The following SUCLG1 variants were observed in gnomAD, a reference collection of about 807,000 sequenced individuals.
SUCLG1 encodes the protein succinate-CoA ligase GDP/ADP-forming subunit alpha.
SUCLG1 carries 26 observed loss-of-function variants against 37.3 expected under a neutral mutation model. The observed-to-expected ratio is 0.70, with a 90% confidence interval of 0.51 to 0.97. SUCLG1 has a LOEUF of 0.97. Among genes scored for constraint, SUCLG1 ranks in the 50% least tolerant of loss-of-function variants. The pLI is 0.00. For synonymous variants in SUCLG1, 163 were observed against 155.6 expected (o/e 1.05, Z -0.36); for missense variants, 433 against 432.9 (o/e 1.00, Z 0.00).
intron 7 of SUCLG1, among the ~76,000 whole-genome samples, chr2:84,431,170 G>A (rs562277698): frequency 1.3e-5 from 2 of 152,220 alleles, no homozygotes; most frequent in African/African-American, 2.4e-5. Context: ...CTCTGAGATC[G>A]GGAGAAAGAA....
At position 84,437,314 on chromosome 2, in the gene SUCLG1, T is replaced by G. The variant is rs1573367392; in HGVS notation, c.589+3733A>C. 2.6e-5 allele frequency among the ~76,000 whole-genome samples: 4 copies of G among 152,042 alleles called. No individual in the cohort carries two copies. The East Asian group carries it at 7.7e-4, about 29-fold the overall frequency. ...TTAGTATCTAGAACATACAAAGAACTGTAAAAAATAAACCATAAAAATGTA... is the reference window on the plus strand; with the variant it reads ...TTAGTATCTAGAACATACAAAGAACGGTAAAAAATAAACCATAAAAATGTA... On this transcript the variant is annotated intron_variant, in intron 5 of 8. Transcript: ENST00000393868.
intron 8 of SUCLG1, 38 bp from the exon 9 acceptor site, chr2:84,423,810 G>T (rs745871779): frequency 6.3e-7 from 1 of 1,587,246 alleles, no homozygotes; most frequent in Non-Finnish European, 8.6e-7. Flanking sequence ...GAGATGGAAT[G>T]AATAAAGATA....
In SUCLG1 at chr2:84,459,275, A is replaced by G; in HGVS notation, c.-6T>C. The G allele has an allele frequency of 1.9e-6, 3 of 1,550,276 alleles. No individual in the cohort carries two copies. On this transcript the variant is annotated 5_prime_UTR_variant, in exon 1 of 9. Transcript: ENST00000393868. ...GCGGCAAGGGTTGCGGTCATACGCC[A>G]ATGACACTCCCAGGCCCCCGGGGAC...
chr2:84,449,688 T>G lies in SUCLG1; in HGVS notation c.162A>C (p.Lys54Asn). The change falls in exon 2 of 9, where the codon AAA (lysine) becomes AAC (asparagine). Residue 54 changes from lysine to asparagine, a missense_variant. Transcript: ENST00000393868. ...TASRQHLYVD[K>N]NTKIICQGFT... The stretch of plus-strand genomic sequence containing the variant: ...AACCCTGGCAAATAATCTTTGTATT[T>G]TTATCAACATAGAGATGTTGCCGAG... The G allele has an allele frequency of 1.2e-6, 2 of 1,604,464 alleles. No homozygotes were observed. The highest frequency in any genetic ancestry group is 1.7e-6 in the Non-Finnish European group (2 of 1,175,660).
chr2:84,446,694 A>T (rs563658755), intron 2 of SUCLG1, among the ~76,000 whole-genome samples: 2 of 152,316 alleles, frequency 1.3e-5, no homozygotes, highest in East Asian at 3.9e-4. Flanking sequence ...AAAACAACAA[A>T]AAAAGGAAGG....
chr2:84,450,642 T>G lies in SUCLG1; in HGVS notation c.98-890A>C, dbSNP rs1672926016. 2.0e-5 allele frequency among the ~76,000 whole-genome samples: 3 copies of G among 152,148 alleles called. No individual in the cohort carries two copies. The South Asian group carries it at 6.2e-4, about 32-fold the overall frequency. On this transcript the variant is annotated intron_variant, in intron 1 of 8. Transcript: ENST00000393868. ...AAGTAGCCAGGCCTTCTACCTATCA[T>G]TGTGGTAGCCCATGAAGCTAGCCCA...
At chr2:84,443,464 G>A (rs932722511) in intron 2 of SUCLG1, 64 bp from the exon 3 acceptor site, 3 of 1,360,486 alleles carry the variant, frequency 2.2e-6, no homozygotes. Flanking sequence ...AGAAGCAAAA[G>A]CAATCTTAGC....
chr2:84,453,411 A>G (rs919653003), intron 1 of SUCLG1, among the ~76,000 whole-genome samples: 1 of 105,118 alleles, frequency 9.5e-6, no homozygotes, highest in African/African-American at 2.8e-5. Flanking sequence ...AGAAGAAAAT[A>G]AGTATTATTA....
intron 3 of SUCLG1, among the ~76,000 whole-genome samples, chr2:84,442,382 G>A (rs1672787796): frequency 6.6e-6 from 1 of 152,052 alleles, no homozygotes. Flanking sequence ...TACATTTAAG[G>A]CTGATCAACA....
chr2:84,459,046 C>T, intron 1 of SUCLG1, 127 bp downstream of exon 1: 1 of 962,470 alleles, frequency 1.0e-6, no homozygotes, highest in Non-Finnish European at 1.5e-6. Flanking sequence ...AGCCGGAATC[C>T]CAAGCGGCTC....
At position 84,423,718 on chromosome 2, in the gene SUCLG1, C is replaced by A. The variant is rs767006138; in HGVS notation, c.*28G>T. 1.3e-6 allele frequency: 2 copies of A among 1,591,290 alleles called. No individual in the cohort carries two copies. The highest frequency in any genetic ancestry group is 4.5e-5 in the East Asian group (2 of 44,706). On this transcript the variant is annotated 3_prime_UTR_variant, in exon 9 of 9. Coordinates refer to ENST00000393868, the MANE Select transcript of SUCLG1 (RefSeq NM_003849.4). ...GGGTTACATGTCTACGTGATCCATT[C>A]CACAGTTTTAGGAATTTTTTTTTTC...
At chr2:84,448,824 C>G (rs753202759) in intron 2 of SUCLG1, 1 of 203,168 alleles carries the variant, frequency 4.9e-6, no homozygotes, top group African/African-American at 2.4e-5. Context: ...TGCTGGATAA[C>G]GTTATATAAA....
In SUCLG1 at chr2:84,443,308, T is replaced by A. The variant is rs770561420; in HGVS notation, c.294A>T (p.Leu98Phe). Residue 98 changes from leucine (L) to phenylalanine (F), a missense_variant, in exon 3 of 9, where the codon TTA (leucine) becomes TTT (phenylalanine). Physicochemically the swap from Leu to Phe is conservative, Grantham distance 22. Transcript: ENST00000393868. ...CCTCCTTCACAGTATTAAAGACAGG[T>A]AAGCCCAGATGTGTCTGGCCTCCTT... ...PGKGGQTHLGLPVFNTVKEAK... is the reference protein window; with the variant it reads ...PGKGGQTHLGFPVFNTVKEAK... 42 of 1,614,134 alleles carry A rather than the reference T, an allele frequency of 2.6e-5. No individual in the cohort carries two copies. The South Asian group carries it at 4.0e-4, about 15-fold the overall frequency.
chr2:84,459,039 C>G (rs535796849), intron 1 of SUCLG1, 134 bp downstream of exon 1: 2 of 900,028 alleles, frequency 2.2e-6, no homozygotes, highest in Non-Finnish European at 1.6e-6. Context: ...GACTCGAAGC[C>G]GGAATCCCAA....
intron 1 of SUCLG1, among the ~76,000 whole-genome samples, chr2:84,454,007 G>A (rs564941082): frequency 6.6e-5 from 10 of 152,286 alleles, no homozygotes; most frequent in Non-Finnish European, 1.2e-4. Context: ...ATCTAGAAGT[G>A]GAATAACAGC....
At chr2:84,442,773 C>T (rs979208213) in intron 3 of SUCLG1, among the ~76,000 whole-genome samples, 5 of 152,184 alleles carry the variant, frequency 3.3e-5, no homozygotes, top group South Asian at 2.1e-4. Flanking sequence ...TTTCTTCACA[C>T]GGGACCACTC....
At chr2:84,452,495 G>C (rs141475174) in intron 1 of SUCLG1, among the ~76,000 whole-genome samples, 1 of 152,052 alleles carries the variant, frequency 6.6e-6, no homozygotes, top group Admixed American at 6.6e-5. Context: ...ATCTTCACAC[G>C]ATATACATGA....
At chr2:84,423,827 C>T in intron 8 of SUCLG1, 55 bp from the exon 9 acceptor site, 1 of 1,545,580 alleles carries the variant, frequency 6.5e-7, no homozygotes, top group Non-Finnish European at 8.8e-7. Context: ...GATAAAAGAT[C>T]CAAATCACAT....
intron 1 of SUCLG1, among the ~76,000 whole-genome samples, chr2:84,455,910 A>G (rs1457768678): frequency 2.0e-5 from 3 of 152,074 alleles, no homozygotes; most frequent in East Asian, 3.8e-4. Flanking sequence ...GTTGCCCTGT[A>G]CTTAAATTAT....
Sources: gnomAD v4.1 joint callset for allele counts (sites outside exome capture counted in the v4.1 genomes callset) on GRCh38, gnomAD v4.1.1 for gene constraint, MANE v1.5 for transcripts, NCBI Gene and HGNC (gene_info 2026-07-23, HGNC 2026-07-21) for gene names.